CDKL2: variants seen among roughly 807,000 people sequenced by gnomAD.
CDKL2 encodes the protein cyclin dependent kinase like 2, also known as cyclin-dependent kinase-like 2.
Under a neutral mutation model 63.9 loss-of-function variants are expected in CDKL2, and 64 were observed. The observed-to-expected ratio is 1.00, with a 90% confidence interval of 0.82 to 1.23. The LOEUF is 1.23. Ranked by LOEUF, CDKL2 falls within the 50% of genes most tolerant of loss-of-function variation. The pLI is 0.00. For synonymous variants in CDKL2, 211 were observed against 229.2 expected (o/e 0.92, Z 0.72); for missense variants, 656 against 668.0 (o/e 0.98, Z 0.20).
At position 75,597,248 on chromosome 4, in the gene CDKL2, CAA is replaced by C; in HGVS notation, c.1021-14_1021-13del. 3 of 1,501,668 alleles carry C rather than the reference CAA, an allele frequency of 2.0e-6. No individual in the cohort carries two copies. Among genetic ancestry groups the C allele is most frequent in the Non-Finnish European group, 2.8e-6 (3 of 1,089,086 alleles). 93.0% of individuals were successfully genotyped at this position (1,501,668 alleles called of 1,614,324 possible). A position where few individuals can be genotyped will look rare whatever the true frequency, so the allele number is the denominator to read the frequency against. On this transcript the variant is annotated splice_polypyrimidine_tract_variant and intron_variant, in intron 8 of 13. Coordinates refer to ENST00000307465, the MANE Select transcript of CDKL2 (RefSeq NM_001330724.2). ...TCAGCATTGGTATCCTGATCATTAA[CAA>C]AAATATTAATAAGGTTAATGATCTG...
chr4:75,623,519 C>A (rs1439298031), intron 2 of CDKL2, among the ~76,000 whole-genome samples: 3 of 152,088 alleles, frequency 2.0e-5, no homozygotes, highest in Non-Finnish European at 2.9e-5. Flanking sequence ...AGATCAAGAA[C>A]AAGTATTAGA....
At chr4:75,585,699 T>A (rs1223148836) in intron 12 of CDKL2, among the ~76,000 whole-genome samples, 1 of 152,122 alleles carries the variant, frequency 6.6e-6, no homozygotes, top group Non-Finnish European at 1.5e-5. Context: ...TGTGGGTGGA[T>A]CACTTGAGTT....
chr4:75,626,483 G>A (rs941592743), intron 1 of CDKL2, among the ~76,000 whole-genome samples: 3 of 152,028 alleles, frequency 2.0e-5, no homozygotes, highest in African/African-American at 4.8e-5. Flanking sequence ...TGGCTAACAC[G>A]GTGAAACCCC....
At chr4:75,594,580 T>C (rs535597611) in intron 10 of CDKL2, among the ~76,000 whole-genome samples, 1 of 151,868 alleles carries the variant, frequency 6.6e-6, no homozygotes, top group South Asian at 2.1e-4. Context: ...AATAAGAGTA[T>C]ATAGACGATG....
chr4:75,607,882 G>A (rs376804039), intron 3 of CDKL2, among the ~76,000 whole-genome samples: 1 of 152,044 alleles, frequency 6.6e-6, no homozygotes, highest in Non-Finnish European at 1.5e-5. Flanking sequence ...GCGCGATCTC[G>A]GCTCACTGCA....
chr4:75,604,895 G>C (rs1578334994), intron 5 of CDKL2, among the ~76,000 whole-genome samples: 2 of 152,202 alleles, frequency 1.3e-5, no homozygotes. Flanking sequence ...CAGCATTTTG[G>C]GAGGCCGAGG....
intron 1 of CDKL2, among the ~76,000 whole-genome samples, chr4:75,627,967 A>T (rs1391257944): frequency 2.0e-5 from 3 of 150,080 alleles, no homozygotes; most frequent in Non-Finnish European, 4.4e-5. Context: ...TCGGTATATA[A>T]GCAGATTTTT....
chr4:75,581,228 C>T (rs1728247935), intron 13 of CDKL2, among the ~76,000 whole-genome samples: 1 of 152,164 alleles, frequency 6.6e-6, no homozygotes, highest in Non-Finnish European at 1.5e-5. Context: ...TAGTGCAATG[C>T]ATTACCTTTT....
intron 6 of CDKL2, among the ~76,000 whole-genome samples, chr4:75,602,989 T>G (rs979199138): frequency 1.9e-5 from 1 of 52,822 alleles, no homozygotes; most frequent in East Asian, 2.4e-3. Flanking sequence ...AATGGTTTCT[T>G]TTTTTTTTTT....
rs2148851051 is a variant in CDKL2, at chr4:75,577,623, G to A, written c.*1579C>T. On this transcript the variant is annotated 3_prime_UTR_variant, in exon 14 of 14. Coordinates refer to ENST00000307465, the MANE Select transcript of CDKL2 (RefSeq NM_001330724.2). ...AGTATTACCTGTTTGCCATGCTGCAGAATCTATTGGCAGTGTTTTTCAAAG... is the reference window on the plus strand; with the variant it reads ...AGTATTACCTGTTTGCCATGCTGCAAAATCTATTGGCAGTGTTTTTCAAAG... Among the ~76,000 whole-genome samples, 1 of 152,286 alleles carries A rather than the reference G, an allele frequency of 6.6e-6. No homozygotes were observed. The highest frequency in any genetic ancestry group is 2.1e-4 in the South Asian group (1 of 4,828).
At chr4:75,629,767 C>T (rs1730591059) in intron 1 of CDKL2, among the ~76,000 whole-genome samples, 1 of 151,936 alleles carries the variant, frequency 6.6e-6, no homozygotes, top group Non-Finnish European at 1.5e-5. Context: ...TGGAGAAACC[C>T]TGTCTCTACT....
intron 11 of CDKL2, 34 bp from the exon 12 acceptor site, chr4:75,591,959 A>G (rs1365632388): frequency 4.0e-6 from 6 of 1,487,536 alleles, no homozygotes; most frequent in African/African-American, 2.8e-5. Context: ...CAGTGAAAAT[A>G]TTAGACATTT....
At chr4:75,596,384 A>G in intron 9 of CDKL2, 44 bp from the exon 10 acceptor site, 1 of 1,245,832 alleles carries the variant, frequency 8.0e-7, no homozygotes, top group Non-Finnish European at 1.2e-6. Context: ...AACCAGCAAT[A>G]ATTATTTTTT....
At position 75,596,911 on chromosome 4, in the gene CDKL2, TGATC is replaced by T; in HGVS notation, c.1322+20_1322+23del. The T allele has an allele frequency of 6.3e-7, 1 of 1,577,048 alleles. No homozygotes were observed. Among genetic ancestry groups the T allele is most frequent in the Admixed American group, 1.8e-5 (1 of 55,288 alleles). ...GCAAATATGTCCTTAAACACTTTTT[TGATC>T]TTATTTTACTAATTCATACCTGTAA... is the stretch of plus-strand genomic sequence containing the variant. On this transcript the variant is annotated intron_variant, in intron 9 of 13. Transcript: ENST00000307465.
At chr4:75,625,454 T>G (rs953864699) in intron 2 of CDKL2, among the ~76,000 whole-genome samples, 3 of 152,192 alleles carry the variant, frequency 2.0e-5, no homozygotes, top group South Asian at 4.2e-4. Context: ...TATCCTTAAA[T>G]GCATATTTGA....
intron 6 of CDKL2, among the ~76,000 whole-genome samples, chr4:75,601,028 A>G (rs1729169814): frequency 6.6e-6 from 1 of 152,206 alleles, no homozygotes; most frequent in Non-Finnish European, 1.5e-5. Context: ...CAAACAACTT[A>G]GTTTCTTCAA....
intron 1 of CDKL2, among the ~76,000 whole-genome samples, chr4:75,629,140 A>T (rs1202013783): frequency 6.6e-6 from 1 of 152,124 alleles, no homozygotes; most frequent in Non-Finnish European, 1.5e-5. Context: ...CTCTTCCATT[A>T]AGAGAGTATG....
chr4:75,619,596 A>AAAAAAAAC (rs1730072536), intron 2 of CDKL2, among the ~76,000 whole-genome samples: 1 of 145,954 alleles, frequency 6.9e-6, no homozygotes. Flanking sequence ...AAAAAAAAAA[A>AAAAAAAAC]AAAAAAGCAC....
intron 3 of CDKL2, among the ~76,000 whole-genome samples, chr4:75,609,471 G>T (rs1289114864): frequency 6.6e-6 from 1 of 151,730 alleles, no homozygotes; most frequent in Admixed American, 6.6e-5. Flanking sequence ...CAGGCACTAT[G>T]GCAGGCACCT....
Sources: allele counts gnomAD v4.1 joint callset (sites outside exome capture counted in the v4.1 genomes callset), GRCh38; gene constraint gnomAD v4.1.1; transcripts MANE v1.5; gene names NCBI Gene and HGNC (gene_info 2026-07-23, HGNC 2026-07-21).